LTBP1: variants seen among roughly 807,000 people sequenced by gnomAD.
LTBP1 encodes the protein latent-transforming growth factor beta-binding protein 1.
Under a neutral mutation model 207.6 loss-of-function variants are expected in LTBP1, and 129 were observed. That is an observed-to-expected ratio of 0.62 (90% CI 0.54 to 0.72). The LOEUF (loss-of-function observed/expected upper bound fraction) is 0.72, where lower values mean the gene tolerates loss of function less well. Ranked by LOEUF, LTBP1 falls within the 30% of genes least tolerant of loss-of-function variation. The pLI, the probability that LTBP1 is intolerant of heterozygous loss-of-function variation, is 0.00. For synonymous variants in LTBP1, 963 were observed against 833.7 expected (o/e 1.16, Z -2.67); for missense variants, 2,281 against 2,217.2 (o/e 1.03, Z -0.58).
chr2:33,120,318 T>C (rs1279368772), intron 4 of LTBP1, among the ~76,000 whole-genome samples: 2 of 152,214 alleles, frequency 1.3e-5, no homozygotes, highest in Non-Finnish European at 2.9e-5. Context: ...AGTTATCTTT[T>C]CTGCCCTTCT....
At chr2:33,297,795 A>G (rs2093909438) in intron 20 of LTBP1, among the ~76,000 whole-genome samples, 2 of 152,204 alleles carry the variant, frequency 1.3e-5, no homozygotes, top group Non-Finnish European at 2.9e-5. Context: ...TGGATTTCAC[A>G]AGTTTTTCCA....
rs2092681866 is a variant in LTBP1, at chr2:33,251,479, T to C, written c.2000-1198T>C. On this transcript the variant is annotated intron_variant, in intron 10 of 33. Transcript: ENST00000404816. ...ATCGAGAACATCCTGGCTAACACGG[T>C]GAAACCCTGTCTCTACTAAAAATTC... is the stretch of plus-strand genomic sequence containing the variant. Among the ~76,000 whole-genome samples, 5 of 151,922 alleles carry C rather than the reference T, an allele frequency of 3.3e-5. No individual in the cohort carries two copies. The South Asian group carries it at 1.0e-3, about 32-fold the overall frequency.
Position 33,116,892 on chromosome 2 carries a change from G to A in LTBP1, c.1033+6141G>A, listed in dbSNP as rs142188920. 2.2e-3 allele frequency among the ~76,000 whole-genome samples: 336 copies of A among 152,178 alleles called. 2 individuals are homozygous for A. Among genetic ancestry groups the A allele is most frequent in the African/African-American group, 6.0e-3 (247 of 41,508 alleles). On this transcript the variant is annotated intron_variant, in intron 4 of 33. Transcript: ENST00000404816. ...AGCAACCGTAGAAGTGAAGAAGCAC[G>A]CACAGGGTCCCTATTAAGTGACTTC...
intron 5 of LTBP1, among the ~76,000 whole-genome samples, chr2:33,155,734 G>C (rs933756258): frequency 6.6e-6 from 1 of 151,838 alleles, no homozygotes; most frequent in African/African-American, 2.4e-5. Context: ...TTTGCTTATG[G>C]TGTTTTTGCT....
intron 3 of LTBP1, among the ~76,000 whole-genome samples, chr2:33,049,587 T>G (rs1031733294): frequency 6.6e-6 from 1 of 152,178 alleles, no homozygotes; most frequent in Admixed American, 6.5e-5. Context: ...ACATTTTTAG[T>G]GATAAAAAGG....
At chr2:33,056,908 T>C (rs1572418811) in intron 3 of LTBP1, among the ~76,000 whole-genome samples, 1 of 152,262 alleles carries the variant, frequency 6.6e-6, no homozygotes, top group Middle Eastern at 3.4e-3. Context: ...TGGTCCATTT[T>C]ACAGAGAGCC....
intron 3 of LTBP1, among the ~76,000 whole-genome samples, chr2:33,068,403 G>C (rs2077624654): frequency 6.6e-6 from 1 of 152,048 alleles, no homozygotes; most frequent in Non-Finnish European, 1.5e-5. Context: ...TCCCACACCA[G>C]AGGGGTAATT....
chr2:33,275,592 G>A (rs2093408869), intron 17 of LTBP1, among the ~76,000 whole-genome samples: 1 of 152,040 alleles, frequency 6.6e-6, no homozygotes. Flanking sequence ...GCTGAGGCAG[G>A]AGAATTGCTT....
At chr2:33,320,854 T>A (rs1053845652) in intron 24 of LTBP1, among the ~76,000 whole-genome samples, 24 of 152,184 alleles carry the variant, frequency 1.6e-4, no homozygotes, top group Admixed American at 1.5e-3. Context: ...TGGGGGCTGG[T>A]GTGAGGAAGA....
At chr2:33,006,457 C>T (rs1354464461) in intron 2 of LTBP1, among the ~76,000 whole-genome samples, 4 of 146,958 alleles carry the variant, frequency 2.7e-5, no homozygotes, top group African/African-American at 7.6e-5. Flanking sequence ...AATCTTGGCT[C>T]ACTGCACCCT....
At chr2:33,240,645 CTT>C (rs869193074) in intron 9 of LTBP1, among the ~76,000 whole-genome samples, 3 of 100,816 alleles carry the variant, frequency 3.0e-5, no homozygotes, top group Non-Finnish European at 3.9e-5. Context: ...TGGAAACATT[CTT>C]TTTTTTTTTT....
At chr2:33,127,470 A>C (rs1190802864) in intron 4 of LTBP1, among the ~76,000 whole-genome samples, 1 of 151,732 alleles carries the variant, frequency 6.6e-6, no homozygotes, top group Non-Finnish European at 1.5e-5. Context: ...CCCATTGTCC[A>C]TCTTCCCATG....
At chr2:33,255,807 G>C (rs1297365905) in intron 11 of LTBP1, among the ~76,000 whole-genome samples, 1 of 152,146 alleles carries the variant, frequency 6.6e-6, no homozygotes, top group African/African-American at 2.4e-5. Flanking sequence ...TTAGGTCCCA[G>C]ACATTCAATA....
At chr2:33,022,267 T>C (rs2075212032) in intron 3 of LTBP1, among the ~76,000 whole-genome samples, 1 of 144,942 alleles carries the variant, frequency 6.9e-6, no homozygotes, top group Non-Finnish European at 1.5e-5. Flanking sequence ...TCAATCCTCT[T>C]TTTTTTTTTT....
chr2:33,304,670 A>G (rs559216905), intron 22 of LTBP1, among the ~76,000 whole-genome samples: 116 of 152,326 alleles, frequency 7.6e-4, no homozygotes, highest in African/African-American at 2.3e-3. Context: ...CTCCAAGCAC[A>G]GTCTTTAATC....
At chr2:33,206,738 C>CAAA (rs367575248) in intron 7 of LTBP1, among the ~76,000 whole-genome samples, 1 of 91,104 alleles carries the variant, frequency 1.1e-5, no homozygotes, top group Non-Finnish European at 2.5e-5. Context: ...GACTCCATTT[C>CAAA]AAAAAAAAAA....
At chr2:33,061,260 A>G (rs906325139) in intron 3 of LTBP1, 1 of 152,188 alleles carries the variant, frequency 6.6e-6, no homozygotes, top group Non-Finnish European at 1.5e-5. Flanking sequence ...ACACATCATG[A>G]GTATATGTTT....
At chr2:33,149,131 C>G (rs551605911) in intron 5 of LTBP1, among the ~76,000 whole-genome samples, 1 of 149,266 alleles carries the variant, frequency 6.7e-6, no homozygotes. Flanking sequence ...AGGAGAATGG[C>G]GTGAACCCGG....
chr2:33,157,503 A>G (rs2084064395), intron 5 of LTBP1, among the ~76,000 whole-genome samples: 2 of 152,190 alleles, frequency 1.3e-5, no homozygotes. Context: ...TTTTCATTTT[A>G]TAGATCAGAA....
Sources: gnomAD v4.1 joint callset for allele counts (sites outside exome capture counted in the v4.1 genomes callset) on GRCh38, gnomAD v4.1.1 for gene constraint, MANE v1.5 for transcripts, NCBI Gene and HGNC (gene_info 2026-07-23, HGNC 2026-07-21) for gene names.